The following SHPK variants were observed in gnomAD, a reference collection of about 807,000 sequenced individuals.
SHPK encodes carbohydrate kinase-like protein.
In SHPK, 51 loss-of-function variants were observed where a neutral mutation model predicts 46.3. The observed-to-expected ratio is 1.10, with a 90% CI of 0.88 to 1.39. The LOEUF (loss-of-function observed/expected upper bound fraction) is 1.39, where lower values mean the gene tolerates loss of function less well. Among genes scored for constraint, SHPK ranks in the 40% most tolerant of loss-of-function variants. The probability of loss-of-function intolerance (pLI) is 0.00; values close to 1 mark genes in which losing one functional copy is unlikely to be tolerated. For missense variants in SHPK, 668 were observed against 641.3 expected, an observed-to-expected ratio of 1.04 and a Z score of -0.45; for synonymous variants, 290 against 273.9, an observed-to-expected ratio of 1.06 and a Z score of -0.58.
At chr17:3,614,835 G>A (rs1230139340) in intron 6 of SHPK, among the ~76,000 whole-genome samples, 9 of 144,682 alleles carry the variant, frequency 6.2e-5, no homozygotes, top group African/African-American at 1.1e-4. Flanking sequence ...GTGACAGAGC[G>A]AGACTCCGTC....
chr17:3,614,070 G>A (rs1397329163), intron 6 of SHPK, among the ~76,000 whole-genome samples: 1 of 152,196 alleles, frequency 6.6e-6, no homozygotes, highest in Non-Finnish European at 1.5e-5. Context: ...GCTATGAGCT[G>A]TTGAGTTAAT....
intron 2 of SHPK, among the ~76,000 whole-genome samples, chr17:3,629,033 GAAGTCT>G (rs2075454903): frequency 6.6e-6 from 1 of 152,064 alleles, no homozygotes; most frequent in Admixed American, 6.6e-5. Flanking sequence ...ATTCTGCTGG[GAAGTCT>G]CTCACTGAGC....
intron 1 of SHPK, among the ~76,000 whole-genome samples, chr17:3,633,530 C>T (rs1567687875): frequency 6.6e-6 from 1 of 152,034 alleles, no homozygotes; most frequent in African/African-American, 2.4e-5. Flanking sequence ...GACTAACTCA[C>T]AGCAGTGCTG....
rs761108830 is a variant in SHPK, at chr17:3,615,375, G to A, written c.986C>T (p.Thr329Met). ...ASLNGGNVLA[T>M]FVHMLVQWMA... is the part of the protein sequence containing the mutation. ...CCACTGAACCAGCATGTGGACGAAC[G>A]TGGCCAGCACATTGCCCCCGTTGAG... Residue 329 changes from threonine (T) to methionine (M), a missense_variant, in exon 6 of 7, where the codon ACG (threonine) becomes ATG (methionine). Physicochemically the swap from Thr to Met is moderately conservative, Grantham distance 81. Coordinates refer to ENST00000225519, the MANE Select transcript of SHPK (RefSeq NM_013276.4). 35 of 1,614,096 alleles carry A rather than the reference G, an allele frequency of 2.2e-5. No homozygotes were observed. Among genetic ancestry groups the A allele is most frequent in the African/African-American group, 8.0e-5 (6 of 74,928 alleles).
chr17:3,617,891 G>A (rs978843479), intron 5 of SHPK, among the ~76,000 whole-genome samples: 1 of 152,174 alleles, frequency 6.6e-6, no homozygotes, highest in Non-Finnish European at 1.5e-5. Flanking sequence ...TGCTTTTTAA[G>A]CATTCTTATG....
intron 2 of SHPK, among the ~76,000 whole-genome samples, chr17:3,627,362 C>T (rs981621380): frequency 3.9e-5 from 6 of 152,236 alleles, no homozygotes; most frequent in Middle Eastern, 3.4e-3. Context: ...CAGCTCGCTC[C>T]GGGTGCCCTC....
rs540631833 is a variant in SHPK at position 3,615,378 on chromosome 17, G to C, written c.983C>G (p.Ala328Gly). ...CTGAACCAGCATGTGGACGAACGTG[G>C]CCAGCACATTGCCCCCGTTGAGTGA... ...AASLNGGNVL[A>G]TFVHMLVQWM... The change falls in exon 6 of 7, where the codon GCC (alanine) becomes GGC (glycine). Residue 328 changes from alanine (A) to glycine (G), a missense_variant. By Grantham distance (60) the Ala-to-Gly change is moderately conservative (BLOSUM62 0). Coordinates refer to ENST00000225519, the MANE Select transcript of SHPK (RefSeq NM_013276.4). 2.5e-6 allele frequency: 4 copies of C among 1,614,206 alleles called. No individual in the cohort carries two copies. In the African/African-American group the frequency reaches 5.3e-5, roughly 22 times the overall value.
chr17:3,617,552 C>G (rs145615192), intron 5 of SHPK, among the ~76,000 whole-genome samples: 95 of 152,244 alleles, frequency 6.2e-4, no homozygotes, highest in African/African-American at 2.1e-3. Context: ...TACTTAAATT[C>G]AGGGAGTCTG....
At chr17:3,620,467 C>T (rs113979189) in intron 5 of SHPK, among the ~76,000 whole-genome samples, 3,394 of 151,686 alleles carry the variant, frequency 0.022, 147 homozygotes, top group African/African-American at 0.078. Flanking sequence ...GGGGTTTCAC[C>T]GTGTTAGCCA....
chr17:3,631,976 T>C (rs970216270), intron 1 of SHPK, among the ~76,000 whole-genome samples: 2 of 152,020 alleles, frequency 1.3e-5, no homozygotes, highest in African/African-American at 4.8e-5. Context: ...TTCTTTTTTT[T>C]TGAGACGGAA....
Position 3,608,814 on chromosome 17 carries a change from T to C in SHPK, c.*1746A>G, listed in dbSNP as rs940751881. Reference sequence around the variant, plus strand: ...AGCACTTCAACCTCCCAAACCAAGCTCTGCGGCTGTGCCATTGCACAGTCT... The same window carrying C: ...AGCACTTCAACCTCCCAAACCAAGCCCTGCGGCTGTGCCATTGCACAGTCT... On this transcript the variant is annotated 3_prime_UTR_variant, in exon 7 of 7. Coordinates refer to ENST00000225519, the MANE Select transcript of SHPK (RefSeq NM_013276.4). The C allele has an allele frequency of 6.6e-6, 1 of 152,130 alleles. No individual in the cohort carries two copies. Among genetic ancestry groups the C allele is most frequent in the African/African-American group, 2.4e-5 (1 of 41,414 alleles). The allele number at this position is 152,130 out of a possible 1,614,324, so 9.4% of individuals were successfully genotyped here.
intron 5 of SHPK, 90 bp from the exon 6 acceptor site, chr17:3,615,627 G>A (rs890530549): frequency 1.3e-5 from 14 of 1,112,832 alleles, no homozygotes; most frequent in Middle Eastern, 2.2e-4. Context: ...GTGGCCTGTC[G>A]GGTTAACTCA....
At chr17:3,622,556 G>C (rs2075409295) in intron 4 of SHPK, 1 of 983,834 alleles carries the variant, frequency 1.0e-6, no homozygotes, top group African/African-American at 1.7e-5. Context: ...GAACTACCAG[G>C]TGCTTTTTGT....
At chr17:3,619,132 A>ATT in intron 5 of SHPK, 7 of 282,272 alleles carry the variant, frequency 2.5e-5, no homozygotes, top group South Asian at 9.7e-5. Flanking sequence ...TTAAATTGTT[A>ATT]TTTTTTTTTC....
intron 4 of SHPK, among the ~76,000 whole-genome samples, chr17:3,622,171 G>T (rs1567684058): frequency 6.6e-6 from 1 of 152,216 alleles, no homozygotes; most frequent in Non-Finnish European, 1.5e-5. Flanking sequence ...ATGGGAAAGT[G>T]CTATAGGACA....
chr17:3,635,370 G>A (rs995078741), intron 1 of SHPK, among the ~76,000 whole-genome samples: 1 of 151,646 alleles, frequency 6.6e-6, no homozygotes, highest in African/African-American at 2.4e-5. Context: ...CGAGTAGCTG[G>A]GACTACAGGC....
At chr17:3,624,514 G>A (rs1258193168) in intron 2 of SHPK, among the ~76,000 whole-genome samples, 2 of 152,008 alleles carry the variant, frequency 1.3e-5, no homozygotes, top group African/African-American at 4.8e-5. Context: ...CATCTCAGAA[G>A]ATGTTTGGCA....
intron 2 of SHPK, 26 bp from the exon 3 acceptor site, chr17:3,624,257 T>C (rs1443428437): frequency 1.3e-6 from 2 of 1,587,170 alleles, no homozygotes; most frequent in Admixed American, 1.7e-5. Context: ...TGACCAAAAA[T>C]GAAGAAAAGA....
rs370665753 is a variant in SHPK at position 3,630,804 on chromosome 17, C to T, written c.169-458G>A. 8.4e-4 allele frequency among the ~76,000 whole-genome samples: 128 copies of T among 152,174 alleles called. 4 individuals are homozygous for T. In the South Asian group the frequency reaches 0.023, roughly 27 times the overall value. ...GGTTGAATCTGGGAGGCGGAGGTTG[C>T]GGTGAGCCGAGATCACGCCACGGCA... On this transcript the variant is annotated intron_variant, in intron 1 of 6. Coordinates refer to ENST00000225519, the MANE Select transcript of SHPK (RefSeq NM_013276.4).
Sources: gnomAD v4.1 joint callset for allele counts (sites outside exome capture counted in the v4.1 genomes callset) on GRCh38, gnomAD v4.1.1 for gene constraint, MANE v1.5 for transcripts, NCBI Gene and HGNC (gene_info 2026-07-23, HGNC 2026-07-21) for gene names.